GNAQ: variants seen among roughly 807,000 people sequenced by gnomAD.
The protein encoded by GNAQ is G protein subunit alpha q, also known as guanine nucleotide-binding protein G(q) subunit alpha.
Under a neutral mutation model 43.9 loss-of-function variants are expected in GNAQ, and 8 were observed. The observed-to-expected ratio is 0.18, with a 90% confidence interval of 0.11 to 0.33. GNAQ has a LOEUF of 0.33. Among genes scored for constraint, GNAQ ranks in the 10% least tolerant of loss-of-function variants. The pLI is 1.00. For missense variants in GNAQ, 158 were observed against 450.8 expected (o/e 0.35, Z 5.88); for synonymous variants, 155 against 170.7 (o/e 0.91, Z 0.71).
chr9:77,780,996 A>C (rs1826385712), intron 5 of GNAQ, among the ~76,000 whole-genome samples: 1 of 133,968 alleles, frequency 7.5e-6, no homozygotes. Context: ...AATTCCTTGT[A>C]TATTCTAGAT....
intron 1 of GNAQ, among the ~76,000 whole-genome samples, chr9:77,959,276 T>C (rs1241543485): frequency 6.6e-6 from 1 of 152,220 alleles, no homozygotes; most frequent in South Asian, 2.1e-4. Flanking sequence ...ACTTTCAGTC[T>C]ATGATAAAAT....
At chr9:77,998,491 T>G (rs1016761194) in intron 1 of GNAQ, among the ~76,000 whole-genome samples, 1 of 152,190 alleles carries the variant, frequency 6.6e-6, no homozygotes, top group African/African-American at 2.4e-5. Flanking sequence ...GTTCTCCATG[T>G]TCCATTTTAC....
chr9:78,022,241 A>G (rs1050072957), intron 1 of GNAQ, among the ~76,000 whole-genome samples: 1 of 152,184 alleles, frequency 6.6e-6, no homozygotes, highest in Non-Finnish European at 1.5e-5. Context: ...CCCTTCATCC[A>G]GGGGTGAGTT....
intron 2 of GNAQ, among the ~76,000 whole-genome samples, chr9:77,905,831 C>G (rs987989302): frequency 6.6e-6 from 1 of 152,154 alleles, no homozygotes; most frequent in Non-Finnish European, 1.5e-5. Context: ...AACACAGGAA[C>G]AGAAAACCAA....
intron 1 of GNAQ, among the ~76,000 whole-genome samples, chr9:77,999,373 C>A (rs1323934234): frequency 6.6e-6 from 1 of 152,208 alleles, no homozygotes; most frequent in East Asian, 1.9e-4. Flanking sequence ...CTTCCCCTCT[C>A]TTCTGCTAAA....
At chr9:77,890,543 G>A (rs999878887) in intron 2 of GNAQ, among the ~76,000 whole-genome samples, 2 of 152,132 alleles carry the variant, frequency 1.3e-5, no homozygotes, top group African/African-American at 4.8e-5. Context: ...GACCAACATG[G>A]AGAAACCCCG....
intron 2 of GNAQ, among the ~76,000 whole-genome samples, chr9:77,846,420 A>C (rs539452001): frequency 6.6e-6 from 1 of 152,304 alleles, no homozygotes; most frequent in South Asian, 2.1e-4. Flanking sequence ...CCCAGCTAGA[A>C]AAACAAGCTG....
At position 78,019,200 on chromosome 9, in the gene GNAQ, T is replaced by C. The variant is rs569638276; in HGVS notation, c.136+11900A>G. On this transcript the variant is annotated intron_variant, in intron 1 of 6. Coordinates refer to ENST00000286548, the MANE Select transcript of GNAQ (RefSeq NM_002072.5). ...TTTCTCTGAAAATGATAAAGCAATA[T>C]ACAGGTATTTTCTCCCATATAAGAT... Among the ~76,000 whole-genome samples, 13 of 152,322 alleles carry C rather than the reference T, an allele frequency of 8.5e-5. No individual in the cohort carries two copies. The South Asian group carries it at 1.9e-3, about 22-fold the overall frequency.
intron 5 of GNAQ, among the ~76,000 whole-genome samples, chr9:77,786,238 C>T (rs1186954730): frequency 2.7e-5 from 4 of 150,904 alleles, no homozygotes; most frequent in African/African-American, 4.9e-5. Flanking sequence ...ATTAGCTGGG[C>T]GTGGTGGCGG....
At chr9:77,881,333 A>G (rs1828203856) in intron 2 of GNAQ, among the ~76,000 whole-genome samples, 1 of 152,210 alleles carries the variant, frequency 6.6e-6, no homozygotes, top group Non-Finnish European at 1.5e-5. Flanking sequence ...GCACGTGGCC[A>G]GGGCCAAAAG....
intron 5 of GNAQ, among the ~76,000 whole-genome samples, chr9:77,771,965 T>C (rs1826229254): frequency 6.6e-6 from 1 of 152,118 alleles, no homozygotes; most frequent in Admixed American, 6.5e-5. Context: ...CATCTGCTGC[T>C]GTGTGCCACT....
intron 2 of GNAQ, among the ~76,000 whole-genome samples, chr9:77,894,917 C>T (rs979561458): frequency 6.6e-5 from 10 of 151,584 alleles, no homozygotes; most frequent in African/African-American, 1.7e-4. Flanking sequence ...TGGCAGTGGC[C>T]GGGCACTCAC....
At chr9:77,955,267 T>C (rs540306841) in intron 1 of GNAQ, among the ~76,000 whole-genome samples, 57 of 152,104 alleles carry the variant, frequency 3.7e-4, no homozygotes, top group Non-Finnish European at 7.2e-4. Context: ...CTCAGCCTCC[T>C]GAGTAGCTGG....
At chr9:77,982,530 T>C (rs17064012) in intron 1 of GNAQ, among the ~76,000 whole-genome samples, 45,094 of 151,838 alleles carry the variant, frequency 0.3, 6,909 homozygotes, top group South Asian at 0.43. Context: ...AGACCACCAT[T>C]CTATCTTAGA....
In GNAQ at chr9:77,717,763, T is replaced by C. The variant is rs1184422739; in HGVS notation, c.*3560A>G. 4.3e-6 allele frequency: 1 copy of C among 232,630 alleles called. No homozygotes were observed. Among genetic ancestry groups the C allele is most frequent in the East Asian group, 6.1e-5 (1 of 16,428 alleles). 14.4% of individuals were successfully genotyped at this position (232,630 alleles called of 1,614,324 possible). A position where few individuals can be genotyped will look rare whatever the true frequency, so the allele number is the denominator to read the frequency against. Reference sequence around the variant, plus strand: ...AAAAAAATACAAGTTTTACGTGTTCTTCAGATTCCTTTTGTAGTTGTCATC... The same window carrying C: ...AAAAAAATACAAGTTTTACGTGTTCCTCAGATTCCTTTTGTAGTTGTCATC... On this transcript the variant is annotated 3_prime_UTR_variant, in exon 7 of 7. Coordinates refer to ENST00000286548, the MANE Select transcript of GNAQ (RefSeq NM_002072.5).
chr9:77,913,996 T>C (rs1444872515), intron 2 of GNAQ, among the ~76,000 whole-genome samples: 1 of 152,196 alleles, frequency 6.6e-6, no homozygotes, highest in African/African-American at 2.4e-5. Context: ...TGAACTTAGA[T>C]GTACATCCTA....
At chr9:78,007,915 A>G (rs965002483) in intron 1 of GNAQ, among the ~76,000 whole-genome samples, 1 of 152,264 alleles carries the variant, frequency 6.6e-6, no homozygotes, top group African/African-American at 2.4e-5. Flanking sequence ...AAACCTAGGT[A>G]CAGAACAATT....
chr9:77,811,337 T>TATAAAGATATGAAGATATCTTTATAAAGA (rs1220014362), intron 3 of GNAQ, among the ~76,000 whole-genome samples: 1 of 39,202 alleles, frequency 2.6e-5, no homozygotes, highest in Non-Finnish European at 1.4e-4. Context: ...TAAAGATATA[T>TATAAAGATATGAAGATATCTTTATAAAGA]TATATATAAA....
intron 1 of GNAQ, among the ~76,000 whole-genome samples, chr9:77,938,434 G>C (rs943144731): frequency 4.6e-5 from 7 of 152,194 alleles, no homozygotes; most frequent in African/African-American, 9.7e-5. Flanking sequence ...TCATGAAGAA[G>C]ACACTGGCAT....
Sources: allele counts gnomAD v4.1 joint callset (sites outside exome capture counted in the v4.1 genomes callset), GRCh38; gene constraint gnomAD v4.1.1; transcripts MANE v1.5; gene names NCBI Gene and HGNC (gene_info 2026-07-23, HGNC 2026-07-21).